Variants in POU3F3 observed in about 807,000 individuals in gnomAD.
POU3F3 encodes the protein POU domain, class 3, transcription factor 3.
Under a neutral mutation model 8.6 loss-of-function variants are expected in POU3F3, and 1 was observed. The ratio of observed to expected loss-of-function variants is 0.12; its 90% CI spans 0.04 to 0.55. The LOEUF is 0.55. Ranked by LOEUF, POU3F3 falls within the 20% of genes least tolerant of loss-of-function variation. The probability of loss-of-function intolerance (pLI) is 0.91; values close to 1 mark genes in which losing one functional copy is unlikely to be tolerated. For missense variants in POU3F3, 577 were observed against 690.7 expected, an observed-to-expected ratio of 0.84 and a Z score of 1.84; for synonymous variants, 418 against 327.4, an observed-to-expected ratio of 1.28 and a Z score of -2.99.
chr2:104,895,883 G>A, the POU3F3 span, among the ~76,000 whole-genome samples: 5 of 152,152 alleles, frequency 3.3e-5, no homozygotes, highest in East Asian at 3.9e-4. Context: ...GGAAGACCAC[G>A]GGCTAAAGGC....
Position 104,856,761 on chromosome 2 carries a change from C to T in POU3F3, c.1251C>T (p.Val417=). 1 of 1,614,128 alleles carries T rather than the reference C, an allele frequency of 6.2e-7. No individual in the cohort carries two copies. Among genetic ancestry groups the T allele is most frequent in the East Asian group, 2.2e-5 (1 of 44,858 alleles). The stretch of plus-strand genomic sequence containing the variant: ...AGCGGACCTCTATCGAGGTGAGCGT[C>T]AAGGGCGCGCTGGAGAGCCACTTCC... ...RKKRTSIEVS[V]KGALESHFLK... is the part of the protein sequence containing the mutation. Residue 417 remains valine, a synonymous_variant, in exon 1 of 1, where the codon GTC becomes GTT. Transcript: ENST00000361360.
the POU3F3 span, among the ~76,000 whole-genome samples, chr2:104,908,343 G>C: frequency 6.6e-6 from 1 of 152,170 alleles, no homozygotes; most frequent in East Asian, 1.9e-4. Context: ...AAGAAACCAA[G>C]ATTCAGAACT....
the POU3F3 span, among the ~76,000 whole-genome samples, chr2:104,889,420 G>A: frequency 1.3e-5 from 2 of 152,178 alleles, no homozygotes; most frequent in Non-Finnish European, 2.9e-5. Flanking sequence ...CTGCAAATGG[G>A]GAAGTTCCCC....
chr2:104,862,807 A>G (rs941684973), downstream of POU3F3, among the ~76,000 whole-genome samples: 1 of 152,214 alleles, frequency 6.6e-6, no homozygotes, highest in Non-Finnish European at 1.5e-5. Flanking sequence ...TTGTATTCTC[A>G]TTAATAAAAA....
chr2:104,916,324 C>A, the POU3F3 span, among the ~76,000 whole-genome samples: 1 of 152,120 alleles, frequency 6.6e-6, no homozygotes, highest in African/African-American at 2.4e-5. Context: ...TAGTGATGAA[C>A]AAGTGTATTT....
the POU3F3 span, among the ~76,000 whole-genome samples, chr2:104,883,152 G>A: frequency 6.6e-6 from 1 of 152,144 alleles, no homozygotes; most frequent in Admixed American, 6.5e-5. Context: ...AAAAAGTACT[G>A]CAGAAAAGGA....
rs1221248319 is a variant in POU3F3 at position 104,855,068 on chromosome 2, G to A, written c.-443G>A. Among the ~76,000 whole-genome samples, 1 of 151,908 alleles carries A rather than the reference G, an allele frequency of 6.6e-6. No individual in the cohort carries two copies. Among genetic ancestry groups the A allele is most frequent in the Non-Finnish European group, 1.5e-5 (1 of 67,914 alleles). On this transcript the variant is annotated 5_prime_UTR_variant, in exon 1 of 1. Coordinates refer to ENST00000361360, the MANE Select transcript of POU3F3 (RefSeq NM_006236.3). ...CGCGTCCCGGGAGAGCGCCCCGAGT[G>A]CAGGTCCCCGCCCCGCCCGGCGAGC...
rs1438100854 is a variant in POU3F3 at position 104,856,845 on chromosome 2, C to G, written c.1335C>G (p.Leu445=). The change falls in exon 1 of 1, where the codon CTC becomes CTG. Residue 445 remains leucine (L), a synonymous_variant. Transcript: ENST00000361360. ...CCAACCTGGCCGACAGCCTGCAGCT[C>G]GAGAAGGAGGTGGTGCGGGTCTGGT... ...EITNLADSLQ[L]EKEVVRVWFC... is the part of the protein sequence containing the mutation. 2 of 1,614,060 alleles carry G rather than the reference C, an allele frequency of 1.2e-6. No individual in the cohort carries two copies. The highest frequency in any genetic ancestry group is 1.7e-5 in the Admixed American group (1 of 60,024).
the POU3F3 span, among the ~76,000 whole-genome samples, chr2:104,893,249 C>T: frequency 6.6e-6 from 1 of 152,196 alleles, no homozygotes; most frequent in South Asian, 2.1e-4. Flanking sequence ...TAGAAACTCT[C>T]CGATGGTGAG....
rs1367352137 is a variant in POU3F3 at position 104,855,347 on chromosome 2, G to T, written c.-164G>T. ...AGGCGGCGGCGGAGGAGGAGGCGGC[G>T]AAGGCGGCGGGGCCGGCGGGGGCCC... On this transcript the variant is annotated 5_prime_UTR_variant, in exon 1 of 1. Transcript: ENST00000361360. 1.4e-5 allele frequency among the ~76,000 whole-genome samples: 2 copies of T among 139,764 alleles called. No individual in the cohort carries two copies. The highest frequency in any genetic ancestry group is 4.2e-4 in the East Asian group (2 of 4,708). The allele number at this position is 139,764 out of a possible 152,430, so 91.7% of individuals were successfully genotyped here. A position where few individuals can be genotyped will look rare whatever the true frequency, so the allele number is the denominator to read the frequency against.
chr2:104,891,892 G>A, the POU3F3 span, among the ~76,000 whole-genome samples: 2 of 152,160 alleles, frequency 1.3e-5, no homozygotes. Flanking sequence ...AACCATCTGA[G>A]TTTTTGCTTT....
the POU3F3 span, among the ~76,000 whole-genome samples, chr2:104,898,480 A>G: frequency 1.3e-5 from 2 of 152,244 alleles, no homozygotes; most frequent in African/African-American, 4.8e-5. Context: ...AATGGCAATA[A>G]TTATTAAGTA....
At chr2:104,906,675 C>A in the POU3F3 span, among the ~76,000 whole-genome samples, 32 of 152,138 alleles carry the variant, frequency 2.1e-4, no homozygotes, top group African/African-American at 7.2e-4. Context: ...TTTTTTAAGT[C>A]CTTCAGCAGA....
the POU3F3 span, among the ~76,000 whole-genome samples, chr2:104,917,645 G>A: frequency 6.6e-6 from 1 of 152,190 alleles, no homozygotes; most frequent in African/African-American, 2.4e-5. Context: ...AAGGAAGTGA[G>A]GGAAGGTCAG....
In POU3F3 at chr2:104,856,770, G is replaced by A; in HGVS notation, c.1260G>A (p.Ala420=). The change falls in exon 1 of 1, where the codon GCG becomes GCA. Residue 420 remains alanine, a synonymous_variant. Transcript: ENST00000361360. ...CTATCGAGGTGAGCGTCAAGGGCGC[G>A]CTGGAGAGCCACTTCCTCAAGTGCC... ...RTSIEVSVKG[A]LESHFLKCPK... 1 of 1,614,108 alleles carries A rather than the reference G, an allele frequency of 6.2e-7. No individual in the cohort carries two copies. The highest frequency in any genetic ancestry group is 8.5e-7 in the Non-Finnish European group (1 of 1,180,024).
rs1279322041 is a variant in POU3F3, at chr2:104,857,188, T to G, written c.*175T>G. Reference sequence around the variant, plus strand: ...CCCAGGCCCATCCGCCGCCCTCCCCTCCACCCAGAGACAGGCATGCCCGCC... The same window carrying G: ...CCCAGGCCCATCCGCCGCCCTCCCCGCCACCCAGAGACAGGCATGCCCGCC... On this transcript the variant is annotated 3_prime_UTR_variant, in exon 1 of 1. Coordinates refer to ENST00000361360, the MANE Select transcript of POU3F3 (RefSeq NM_006236.3). The G allele has an allele frequency of 1.5e-6, 1 of 689,372 alleles. No homozygotes were observed. The highest frequency in any genetic ancestry group is 1.8e-6 in the Non-Finnish European group (1 of 559,722). The allele number at this position is 689,372 out of a possible 1,614,324, so 42.7% of individuals were successfully genotyped here.
chr2:104,923,032 C>T, the POU3F3 span, among the ~76,000 whole-genome samples: 2 of 152,242 alleles, frequency 1.3e-5, no homozygotes, highest in Admixed American at 6.5e-5. Flanking sequence ...AAGCAAGAAT[C>T]CTATATCTAG....
chr2:104,861,595 A>T (rs530873120), downstream of POU3F3, among the ~76,000 whole-genome samples: 1 of 152,220 alleles, frequency 6.6e-6, no homozygotes, highest in Non-Finnish European at 1.5e-5. Context: ...GATGTGAAAA[A>T]AGAAGAGTTG....
At chr2:104,913,540 A>G in the POU3F3 span, among the ~76,000 whole-genome samples, 105,810 of 152,024 alleles carry the variant, frequency 0.7, 37,251 homozygotes, top group East Asian at 0.81. Context: ...GACTCAGGTG[A>G]CCAGTGCTGA....
Sources: gnomAD v4.1 joint callset for allele counts (sites outside exome capture counted in the v4.1 genomes callset) on GRCh38, gnomAD v4.1.1 for gene constraint, MANE v1.5 for transcripts, NCBI Gene and HGNC (gene_info 2026-07-23, HGNC 2026-07-21) for gene names.